STK3: variants seen among roughly 807,000 people sequenced by gnomAD.
The protein encoded by STK3 is serine/threonine-protein kinase 3.
STK3 carries 41 observed loss-of-function variants against 58.0 expected under a neutral mutation model. The ratio of observed to expected loss-of-function variants is 0.71; its 90% confidence interval spans 0.55 to 0.92. STK3 has a LOEUF of 0.92. Among genes scored for constraint, STK3 ranks in the 40% least tolerant of loss-of-function variants. The pLI is 0.00. For synonymous variants in STK3, 170 were observed against 191.0 expected (o/e 0.89, Z 0.91); for missense variants, 479 against 602.7 (o/e 0.79, Z 2.15).
intron 6 of STK3, among the ~76,000 whole-genome samples, chr8:98,695,125 G>A (rs965426741): frequency 6.6e-6 from 1 of 152,204 alleles, no homozygotes; most frequent in Non-Finnish European, 1.5e-5. Flanking sequence ...TTTTTCATGT[G>A]TTCTTTGGTT....
intron 4 of STK3, among the ~76,000 whole-genome samples, chr8:98,725,586 CTT>C (rs1827741419): frequency 6.6e-6 from 1 of 152,048 alleles, no homozygotes; most frequent in Admixed American, 6.6e-5. Flanking sequence ...GGAATATTAA[CTT>C]ATATATATTT....
At chr8:98,473,545 T>C (rs1417575431) in intron 10 of STK3, among the ~76,000 whole-genome samples, 1 of 152,200 alleles carries the variant, frequency 6.6e-6, no homozygotes, top group Non-Finnish European at 1.5e-5. Flanking sequence ...AATAACCATA[T>C]TTTAAATTGG....
intron 9 of STK3, among the ~76,000 whole-genome samples, chr8:98,538,464 C>G (rs937827736): frequency 1.1e-4 from 16 of 152,152 alleles, no homozygotes; most frequent in African/African-American, 3.9e-4. Context: ...AAAGTCAAGT[C>G]TGAGAAAGAA....
At chr8:98,453,708 G>A (rs905622148), downstream of STK3, among the ~76,000 whole-genome samples, 5 of 152,132 alleles carry the variant, frequency 3.3e-5, no homozygotes, top group Non-Finnish European at 5.9e-5. Flanking sequence ...AACAGGCCTC[G>A]CTGAGTTAAT....
At chr8:98,803,238 C>T (rs554132481) in intron 1 of STK3, among the ~76,000 whole-genome samples, 2 of 152,156 alleles carry the variant, frequency 1.3e-5, no homozygotes, top group East Asian at 3.9e-4. Flanking sequence ...ATCTTATACA[C>T]TGAAAAAAGA....
intron 1 of STK3, among the ~76,000 whole-genome samples, chr8:98,386,876 C>T (rs546427416): frequency 3.9e-5 from 6 of 152,122 alleles, no homozygotes; most frequent in East Asian, 1.9e-4. Context: ...AAGAATTGCA[C>T]GAACCCCGGA....
At chr8:98,813,139 C>T (rs1010190432) in intron 1 of STK3, among the ~76,000 whole-genome samples, 3 of 152,004 alleles carry the variant, frequency 2.0e-5, no homozygotes, top group Non-Finnish European at 2.9e-5. Context: ...AAATGCTTTA[C>T]AATCAATATT....
intron 1 of STK3, chr8:98,438,791 C>T (rs1448596137): frequency 6.6e-6 from 1 of 152,376 alleles, no homozygotes; most frequent in Non-Finnish European, 1.5e-5. Context: ...ATATGGATGT[C>T]TATGAGTCTT....
downstream of STK3, among the ~76,000 whole-genome samples, chr8:98,453,524 T>C (rs1007513540): frequency 6.6e-6 from 1 of 152,200 alleles, no homozygotes; most frequent in African/African-American, 2.4e-5. Context: ...GGCTCTAAAA[T>C]AAAACAATGC....
rs1178928185 is a variant in STK3 at position 98,387,872 on chromosome 8, C to CTTT, written n.56+319_56+320insAAA. Among the ~76,000 whole-genome samples, 674 of 144,708 alleles carry CTTT rather than the reference C, an allele frequency of 4.7e-3. 9 individuals carry two copies. The highest frequency in any genetic ancestry group is 0.018 in the African/African-American group (642 of 35,728). 94.9% of individuals were successfully genotyped at this position (144,708 alleles called of 152,430 possible). On this transcript the variant is annotated intron_variant and non_coding_transcript_variant, in intron 1 of 2. Transcript: ENST00000518704. ...GAAACCAGAGCTCTTTGTAAAATGC[C>CTTT]CTTTTTTTTTTTTTTTTGTCAGATA...
At chr8:98,713,211 C>T (rs1378836523) in intron 4 of STK3, among the ~76,000 whole-genome samples, 12 of 151,992 alleles carry the variant, frequency 7.9e-5, no homozygotes, top group Non-Finnish European at 1.6e-4. Context: ...ACCCTAACAT[C>T]ACAATTAAAA....
chr8:98,663,899 C>T lies in STK3; in HGVS notation c.684+42568G>A, dbSNP rs375892607. Among the ~76,000 whole-genome samples, 37 of 152,222 alleles carry T rather than the reference C, an allele frequency of 2.4e-4. No individual in the cohort carries two copies. In the East Asian group the frequency reaches 6.6e-3, roughly 27 times the overall value. ...ACTTTCTCCTTTACAACAAACTTTT[C>T]CTTATATATAAAATACAGCAAAAAT... On this transcript the variant is annotated intron_variant, in intron 6 of 10. Coordinates refer to ENST00000419617, the MANE Select transcript of STK3 (RefSeq NM_006281.4).
At chr8:98,392,614 C>T (rs1226996286), upstream of STK3, among the ~76,000 whole-genome samples, 1 of 152,214 alleles carries the variant, frequency 6.6e-6, no homozygotes. Flanking sequence ...TCAGACTGCC[C>T]CATCAGTGGC....
chr8:98,427,294 C>G (rs1818250471), intron 3 of STK3: 1 of 151,600 alleles, frequency 6.6e-6, no homozygotes, highest in South Asian at 2.1e-4. Context: ...GGGGAAGTTT[C>G]CCGCCGGCCT....
chr8:98,710,805 A>T (rs921269944), intron 4 of STK3, among the ~76,000 whole-genome samples: 1 of 152,234 alleles, frequency 6.6e-6, no homozygotes, highest in African/African-American at 2.4e-5. Flanking sequence ...TTCTCCCAGC[A>T]CACAGCTGGA....
At chr8:98,686,016 G>A (rs996246293) in intron 6 of STK3, among the ~76,000 whole-genome samples, 56 of 152,222 alleles carry the variant, frequency 3.7e-4, no homozygotes, top group African/African-American at 1.3e-3. Context: ...GTTTTACAGT[G>A]TATAGCTTCC....
chr8:98,753,718 T>C (rs1830121781), intron 3 of STK3, among the ~76,000 whole-genome samples: 1 of 152,058 alleles, frequency 6.6e-6, no homozygotes. Flanking sequence ...AAATTTTATA[T>C]TAAAAACAAA....
chr8:98,345,939 G>A, the STK3 span, among the ~76,000 whole-genome samples: 4 of 151,990 alleles, frequency 2.6e-5, no homozygotes, highest in African/African-American at 9.7e-5. Flanking sequence ...GAAGATCGAG[G>A]TATAGAAACT....
chr8:98,381,517 G>A (rs1029859183), intron 1 of STK3, among the ~76,000 whole-genome samples: 1 of 152,236 alleles, frequency 6.6e-6, no homozygotes, highest in Admixed American at 6.5e-5. Flanking sequence ...GGATAGAGCA[G>A]ATTAATTCTA....
Sources: allele counts gnomAD v4.1 joint callset (sites outside exome capture counted in the v4.1 genomes callset), GRCh38; gene constraint gnomAD v4.1.1; transcripts MANE v1.5; gene names NCBI Gene and HGNC (gene_info 2026-07-23, HGNC 2026-07-21).